R3HCC1L: variants seen among roughly 807,000 people sequenced by gnomAD.
R3HCC1L encodes the protein coiled-coil domain-containing protein R3HCC1L.
In R3HCC1L, 51 loss-of-function variants were observed where a neutral mutation model predicts 59.9. The observed-to-expected ratio is 0.85, with a 90% confidence interval of 0.68 to 1.07. The LOEUF is 1.07. R3HCC1L is among the 50% of genes least tolerant of loss of function. The pLI is 0.00. For missense variants in R3HCC1L, 965 were observed against 933.0 expected, an observed-to-expected ratio of 1.03 and a Z score of -0.45; for synonymous variants, 322 against 315.2, an observed-to-expected ratio of 1.02 and a Z score of -0.23.
At position 98,208,472 on chromosome 10, in the gene R3HCC1L, G is replaced by T. The variant is rs1853014103; in HGVS notation, c.358G>T (p.Gly120Ter). The change falls in exon 5 of 10, where the codon GGA (glycine) becomes TGA (stop). Residue 120 changes from glycine (G) to a stop codon, truncating the protein, a stop_gained. Coordinates refer to ENST00000298999, the MANE Select transcript of R3HCC1L (RefSeq NM_001351015.2). LOFTEE classifies it high-confidence loss of function. Reference protein sequence around the residue: ...TTESKEVLSQGQQQGAPNAGV... With the variant: ...TTESKEVLSQ ...TGAATCCAAAGAAGTATTATCCCAA[G>T]GACAACAGCAGGGAGCCCCAAATGC... is the stretch of plus-strand genomic sequence containing the variant. The T allele has an allele frequency of 6.2e-7, 1 of 1,614,120 alleles. No individual in the cohort carries two copies.
At chr10:98,138,865 C>T (rs1844844368) in intron 1 of R3HCC1L, among the ~76,000 whole-genome samples, 1 of 151,940 alleles carries the variant, frequency 6.6e-6, no homozygotes, top group Non-Finnish European at 1.5e-5. Flanking sequence ...TTAGACTAAC[C>T]CTGCATGGTT....
At chr10:98,164,985 C>T (rs1269239289) in intron 4 of R3HCC1L, among the ~76,000 whole-genome samples, 1 of 152,218 alleles carries the variant, frequency 6.6e-6, no homozygotes, top group Non-Finnish European at 1.5e-5. Flanking sequence ...GTTGCCTGGG[C>T]ATGGCAGCTC....
chr10:98,210,387 TGAA>T (rs1853429516), intron 5 of R3HCC1L, among the ~76,000 whole-genome samples: 1 of 152,138 alleles, frequency 6.6e-6, no homozygotes, highest in African/African-American at 2.4e-5. Flanking sequence ...TGGGTTAAAT[TGAA>T]GAATGAATTA....
chr10:98,193,597 GAAATT>G (rs1375514288), intron 4 of R3HCC1L, among the ~76,000 whole-genome samples: 1 of 152,076 alleles, frequency 6.6e-6, no homozygotes, highest in African/African-American at 2.4e-5. Flanking sequence ...ATTGCTGAAA[GAAATT>G]AAAGATACAA....
At position 98,143,797 on chromosome 10, in the gene R3HCC1L, T is replaced by C. The variant is rs1046793895; in HGVS notation, c.-268+9091T>C. The stretch of plus-strand genomic sequence containing the variant: ...ACATTATAAACTATTCCAACCAGGG[T>C]CTAGGGCATTACTTTGTAATTAAAC... On this transcript the variant is annotated intron_variant, in intron 1 of 9. Coordinates refer to ENST00000298999, the MANE Select transcript of R3HCC1L (RefSeq NM_001351015.2). Among the ~76,000 whole-genome samples the C allele has an allele frequency of 2.6e-5, 4 of 152,236 alleles. No homozygotes were observed. In the South Asian group the frequency reaches 6.2e-4, roughly 24 times the overall value.
In R3HCC1L at chr10:98,163,293, G is replaced by A; in HGVS notation, c.-119G>A. ...ATAACTTATTATTACTATTTTTCAG[G>A]TGAGGCTGCTGTCAGAAAGGAACTT... On this transcript the variant is annotated splice_region_variant and 5_prime_UTR_variant, in exon 4 of 10. In the 5' UTR this introduces an upstream ATG that the reference lacks. Coordinates refer to ENST00000298999, the MANE Select transcript of R3HCC1L (RefSeq NM_001351015.2). 1 of 610,302 alleles carries A rather than the reference G, an allele frequency of 1.6e-6. No homozygotes were observed. Among genetic ancestry groups the A allele is most frequent in the Non-Finnish European group, 2.6e-6 (1 of 392,128 alleles). 37.8% of individuals were successfully genotyped at this position (610,302 alleles called of 1,614,324 possible).
In R3HCC1L at chr10:98,231,508, C is replaced by G. The variant is rs576553339; in HGVS notation, c.1786-4C>G. On this transcript the variant is annotated splice_region_variant and splice_polypyrimidine_tract_variant and intron_variant, in intron 5 of 9. Transcript: ENST00000298999. Reference sequence around the variant, plus strand: ...CGGCACTTAACGTGCTTCTTCCTTTCTAGTTATCAGGGAATACCAAGAGCA... The same window carrying G: ...CGGCACTTAACGTGCTTCTTCCTTTGTAGTTATCAGGGAATACCAAGAGCA... 2.5e-4 allele frequency: 402 copies of G among 1,608,644 alleles called. 3 individuals carry two copies. The South Asian group carries it at 4.2e-3, about 17-fold the overall frequency.
chr10:98,241,501 A>G (rs1230520265), intron 9 of R3HCC1L, among the ~76,000 whole-genome samples: 3 of 152,172 alleles, frequency 2.0e-5, no homozygotes, highest in Non-Finnish European at 4.4e-5. Flanking sequence ...TGAATGTTTT[A>G]GGTCAATCAT....
chr10:98,235,832 T>C (rs1856877789), intron 8 of R3HCC1L, among the ~76,000 whole-genome samples, 192 bp from the exon 9 acceptor site: 1 of 152,224 alleles, frequency 6.6e-6, no homozygotes, highest in Non-Finnish European at 1.5e-5. Flanking sequence ...TTAATGCAGA[T>C]AATGAAGCCA....
chr10:98,227,843 G>A (rs1855857919), intron 5 of R3HCC1L, among the ~76,000 whole-genome samples: 1 of 142,594 alleles, frequency 7.0e-6, no homozygotes, highest in Admixed American at 7.6e-5. Flanking sequence ...TTGGTTTTTT[G>A]TCCTTGCGAT....
At chr10:98,159,764 C>T (rs1369202351) in intron 2 of R3HCC1L, among the ~76,000 whole-genome samples, 4 of 152,168 alleles carry the variant, frequency 2.6e-5, no homozygotes, top group Admixed American at 6.5e-5. Flanking sequence ...GTATTCTAGG[C>T]TCATCTTGCA....
chr10:98,145,980 G>C (rs1845613713), intron 1 of R3HCC1L, among the ~76,000 whole-genome samples: 1 of 151,930 alleles, frequency 6.6e-6, no homozygotes, highest in Non-Finnish European at 1.5e-5. Flanking sequence ...TTCATGACTT[G>C]ATGGTCATAT....
intron 4 of R3HCC1L, among the ~76,000 whole-genome samples, chr10:98,179,864 G>A (rs945873423): frequency 2.0e-5 from 3 of 152,140 alleles, no homozygotes; most frequent in Non-Finnish European, 2.9e-5. Flanking sequence ...GGTATTTGTA[G>A]TATTCTCTGA....
In R3HCC1L at chr10:98,186,521, C is replaced by G. The variant is rs753635957; in HGVS notation, c.-14-21580C>G. On this transcript the variant is annotated intron_variant, in intron 4 of 9. Transcript: ENST00000298999. ...ATCTTACATAAACCTTTAGAACTTA[C>G]ATTAGAGTGTTCAAGTCTTCTGAGA... The G allele has an allele frequency of 1.5e-4, 147 of 983,344 alleles. No homozygotes were observed. In the Middle Eastern group the frequency reaches 2.1e-3, roughly 14 times the overall value. 60.9% of individuals were successfully genotyped at this position (983,344 alleles called of 1,614,324 possible).
intron 4 of R3HCC1L, among the ~76,000 whole-genome samples, chr10:98,188,754 A>G (rs1304309427): frequency 6.6e-6 from 1 of 152,212 alleles, no homozygotes; most frequent in African/African-American, 2.4e-5. Flanking sequence ...CCACACTGAT[A>G]TAGTCATATT....
intron 5 of R3HCC1L, among the ~76,000 whole-genome samples, chr10:98,224,419 C>T (rs1382142009): frequency 6.6e-6 from 1 of 152,174 alleles, no homozygotes; most frequent in East Asian, 1.9e-4. Context: ...CTCCCCTATC[C>T]TTTTATCCCT....
chr10:98,209,370 G>A lies in R3HCC1L; in HGVS notation c.1256G>A (p.Ser419Asn), dbSNP rs777134520. The part of the protein sequence containing the change: ...TRSFSKFVGM[S>N]ADATPLHVAR... ...AGTTTCTCAAAGTTTGTAGGAATGA[G>A]TGCAGATGCAACCCCTCTTCATGTA... Residue 419 changes from serine to asparagine, a missense_variant, in exon 5 of 10, where the codon AGT becomes AAT. Transcript: ENST00000298999. 5.6e-6 allele frequency: 9 copies of A among 1,613,996 alleles called. No individual in the cohort carries two copies. Among genetic ancestry groups the A allele is most frequent in the Admixed American group, 5.0e-5 (3 of 60,008 alleles).
chr10:98,172,327 C>T (rs567538824), intron 4 of R3HCC1L, among the ~76,000 whole-genome samples: 4 of 152,256 alleles, frequency 2.6e-5, no homozygotes, highest in Non-Finnish European at 2.9e-5. Flanking sequence ...TCCCTTTGGG[C>T]TTGAGCTGTT....
At chr10:98,143,332 A>G (rs936695470) in intron 1 of R3HCC1L, among the ~76,000 whole-genome samples, 2 of 152,196 alleles carry the variant, frequency 1.3e-5, no homozygotes, top group African/African-American at 4.8e-5. Flanking sequence ...CAAACTTGTG[A>G]CCATCTCTCA....
Sources: gnomAD v4.1 joint callset for allele counts (sites outside exome capture counted in the v4.1 genomes callset) on GRCh38, gnomAD v4.1.1 for gene constraint, MANE v1.5 for transcripts, NCBI Gene and HGNC (gene_info 2026-07-23, HGNC 2026-07-21) for gene names.